Variants in NEDD1 observed in about 807,000 individuals in gnomAD.
NEDD1 encodes NEDD1 gamma-tubulin ring complex targeting factor.
In NEDD1, 33 loss-of-function variants were observed where a neutral mutation model predicts 74.0. That is an observed-to-expected ratio of 0.45 (90% CI 0.34 to 0.60). The LOEUF (loss-of-function observed/expected upper bound fraction) is 0.60, where lower values mean the gene tolerates loss of function less well. Ranked by LOEUF, NEDD1 falls within the 20% of genes least tolerant of loss-of-function variation. The pLI, the probability that NEDD1 is intolerant of heterozygous loss-of-function variation, is 0.01. For synonymous variants in NEDD1, 250 were observed against 264.4 expected (o/e 0.95, Z 0.53); for missense variants, 746 against 776.5 (o/e 0.96, Z 0.47).
At position 96,952,570 on chromosome 12, in the gene NEDD1, A is replaced by C. The variant is rs1878804682; in HGVS notation, c.*517A>C. The C allele has an allele frequency of 6.6e-6, 1 of 152,030 alleles. No homozygotes were observed. The highest frequency in any genetic ancestry group is 2.4e-5 in the African/African-American group (1 of 41,444). The allele number at this position is 152,030 out of a possible 1,614,324, so 9.4% of individuals were successfully genotyped here. A position where few individuals can be genotyped will look rare whatever the true frequency, so the allele number is the denominator to read the frequency against. Reference sequence around the variant, plus strand: ...TTATTTTGTTAACTTGATGAAGTCAAGTATGACTATTATTTATTGTACATT... The same window carrying C: ...TTATTTTGTTAACTTGATGAAGTCACGTATGACTATTATTTATTGTACATT... On this transcript the variant is annotated 3_prime_UTR_variant, in exon 16 of 16. Coordinates refer to ENST00000266742, the MANE Select transcript of NEDD1 (RefSeq NM_152905.4).
chr12:96,921,092 T>A (rs923965354), intron 6 of NEDD1, among the ~76,000 whole-genome samples: 16 of 152,154 alleles, frequency 1.1e-4, no homozygotes, highest in Admixed American at 3.9e-4. Flanking sequence ...CGTCTAAGGC[T>A]TATTGATTTT....
intron 15 of NEDD1, 131 bp from the exon 16 acceptor site, chr12:96,951,818 T>A: frequency 1.7e-6 from 1 of 589,416 alleles, no homozygotes; most frequent in Non-Finnish European, 3.0e-6. Context: ...AGTAAGTTGT[T>A]AAGTACAAGA....
intron 12 of NEDD1, 105 bp from the exon 13 acceptor site, chr12:96,944,534 A>G (rs896363296): frequency 1.2e-4 from 68 of 554,464 alleles, no homozygotes; most frequent in East Asian, 2.3e-4. Flanking sequence ...CTTCATTTCT[A>G]TTAACCTACA....
chr12:96,937,313 C>G lies in NEDD1; in HGVS notation c.1037C>G (p.Ala346Gly), dbSNP rs750626795. Residue 346 changes from alanine to glycine, a missense_variant, in exon 9 of 16, where the codon GCC becomes GGC. Physicochemically the swap from Ala to Gly is moderately conservative, Grantham distance 60 (BLOSUM62 0). Around this residue, in one of 3 missense-constraint regions of NEDD1, gnomAD observed 706 missense variants for 706.7 expected, o/e 1.00. Coordinates refer to ENST00000266742, the MANE Select transcript of NEDD1 (RefSeq NM_152905.4). ...TCCGGAATTGTCAGAGAAGCACCTG[C>G]CACGTCCATTGCCACAGTTCTACCA... ...QNSGIVREAP[A>G]TSIATVLPQP... The G allele has an allele frequency of 3.7e-6, 6 of 1,611,918 alleles. No homozygotes were observed. In the East Asian group the frequency reaches 1.1e-4, roughly 30 times the overall value.
rs180934258 is a variant in NEDD1 at position 96,934,972 on chromosome 12, A to C, written c.490-4A>C. On this transcript the variant is annotated splice_region_variant and splice_polypyrimidine_tract_variant and intron_variant, in intron 6 of 15. Transcript: ENST00000266742. ...ACATAAAATTTATTCTTTCATTTTT[A>C]TAGTCTGTTCGGCACTTGAAGTACT... 2.6e-6 allele frequency: 4 copies of C among 1,550,582 alleles called. No homozygotes were observed. Among genetic ancestry groups the C allele is most frequent in the African/African-American group, 2.7e-5 (2 of 73,682 alleles).
At chr12:96,909,176 C>CAAAAA (rs71307519) in intron 2 of NEDD1, among the ~76,000 whole-genome samples, 1 of 107,526 alleles carries the variant, frequency 9.3e-6, no homozygotes, top group Non-Finnish European at 1.9e-5. Flanking sequence ...AACTCCGTCT[C>CAAAAA]AAAAAAAAAA....
At chr12:96,951,411 A>G (rs748717903) in intron 14 of NEDD1, 21 bp from the exon 15 acceptor site, 2 of 1,431,618 alleles carry the variant, frequency 1.4e-6, no homozygotes, top group Non-Finnish European at 1.9e-6. Flanking sequence ...AATTCTAAAA[A>G]GTATTTTACA....
chr12:96,930,284 T>G (rs1178883048), intron 6 of NEDD1, among the ~76,000 whole-genome samples: 2 of 151,622 alleles, frequency 1.3e-5, no homozygotes, highest in Non-Finnish European at 2.9e-5. Context: ...TAAGACCAGA[T>G]TTGGTCATTC....
Position 96,940,404 on chromosome 12 carries a change from A to G in NEDD1, c.1118-5A>G, listed in dbSNP as rs779658141. On this transcript the variant is annotated splice_polypyrimidine_tract_variant and splice_region_variant and intron_variant, in intron 9 of 15. Transcript: ENST00000266742. ...ACATTGATTTTTATATCTAATTCCT[A>G]TAAGGTTTGCCTCGAAGCATAAACA... is the stretch of plus-strand genomic sequence containing the variant. 3.8e-6 allele frequency: 6 copies of G among 1,562,570 alleles called. No individual in the cohort carries two copies. The Admixed American group carries it at 7.0e-5, about 18-fold the overall frequency.
intron 1 of NEDD1, 85 bp downstream of exon 1, chr12:96,907,385 C>G (rs925766979): frequency 2.1e-6 from 1 of 473,834 alleles, no homozygotes; most frequent in Non-Finnish European, 3.7e-6. Context: ...GCTCCGTCCC[C>G]CTCAGAGGGC....
At chr12:96,928,750 T>C (rs970782557) in intron 6 of NEDD1, among the ~76,000 whole-genome samples, 4 of 147,222 alleles carry the variant, frequency 2.7e-5, no homozygotes, top group African/African-American at 1.0e-4. Flanking sequence ...GCAGTGGCAC[T>C]GTCTGGGCTC....
At chr12:96,937,639 A>T (rs1877264798) in intron 9 of NEDD1, among the ~76,000 whole-genome samples, 1 of 152,082 alleles carries the variant, frequency 6.6e-6, no homozygotes, top group African/African-American at 2.4e-5. Flanking sequence ...ATATTGTCTT[A>T]AAAATGGAAG....
intron 2 of NEDD1, 110 bp from the exon 3 acceptor site, chr12:96,909,642 A>T: frequency 1.2e-6 from 1 of 842,214 alleles, no homozygotes; most frequent in South Asian, 1.8e-5. Flanking sequence ...CACTGTTTGG[A>T]ACAAAAATGA....
intron 4 of NEDD1, among the ~76,000 whole-genome samples, chr12:96,914,509 TTTAG>T (rs1874242426): frequency 6.6e-6 from 1 of 152,218 alleles, no homozygotes; most frequent in Non-Finnish European, 1.5e-5. Flanking sequence ...TCTATTTTAA[TTTAG>T]TTATGAAAAT....
intron 14 of NEDD1, among the ~76,000 whole-genome samples, chr12:96,950,742 C>A (rs558603928): frequency 1.3e-5 from 2 of 151,748 alleles, no homozygotes; most frequent in Non-Finnish European, 1.5e-5. Flanking sequence ...GGGCTTTTTC[C>A]CAAGAGTTAA....
At chr12:96,949,998 A>G (rs1878553453) in intron 14 of NEDD1, among the ~76,000 whole-genome samples, 1 of 152,092 alleles carries the variant, frequency 6.6e-6, no homozygotes, top group Non-Finnish European at 1.5e-5. Flanking sequence ...TTATTAGTAT[A>G]TTTGAGCACA....
intron 4 of NEDD1, among the ~76,000 whole-genome samples, chr12:96,916,873 C>T (rs977864667): frequency 2.6e-5 from 4 of 151,946 alleles, no homozygotes; most frequent in South Asian, 2.1e-4. Context: ...AAGCTGCTGT[C>T]GTAGTTTGGT....
intron 6 of NEDD1, among the ~76,000 whole-genome samples, chr12:96,930,967 A>G (rs1876405589): frequency 6.6e-6 from 1 of 152,158 alleles, no homozygotes; most frequent in Admixed American, 6.5e-5. Context: ...GAGATTTTTC[A>G]GGTTTGAAGA....
intron 6 of NEDD1, among the ~76,000 whole-genome samples, chr12:96,921,238 G>A (rs1875049995): frequency 6.6e-6 from 1 of 152,154 alleles, no homozygotes; most frequent in Admixed American, 6.5e-5. Flanking sequence ...CTAGAGTATA[G>A]TGGCGCAATC....
Sources: gnomAD v4.1 joint callset for allele counts (sites outside exome capture counted in the v4.1 genomes callset) on GRCh38, gnomAD v4.1.1 for gene constraint, gnomAD v4.1.1 regional missense constraint, MANE v1.5 for transcripts, NCBI Gene and HGNC (gene_info 2026-07-23, HGNC 2026-07-21) for gene names.